Variants in NUTF2 observed in about 807,000 individuals in gnomAD.
NUTF2 encodes nuclear transport factor 2, also known as placental protein 15.
NUTF2 carries 3 observed loss-of-function variants against 18.5 expected under a neutral mutation model. The observed-to-expected ratio is 0.16, with a 90% CI of 0.07 to 0.42. NUTF2 has a LOEUF of 0.42. NUTF2 is among the 10% of genes least tolerant of loss of function. The pLI, the probability that NUTF2 is intolerant of heterozygous loss-of-function variation, is 0.99. For missense variants in NUTF2, 44 were observed against 160.7 expected (o/e 0.27, Z 3.93); for synonymous variants, 51 against 57.9 (o/e 0.88, Z 0.54).
chr16:67,859,981 T>A (rs1326807111), intron 1 of NUTF2, among the ~76,000 whole-genome samples: 8 of 150,764 alleles, frequency 5.3e-5, no homozygotes, highest in Non-Finnish European at 1.2e-4. Flanking sequence ...TTATTATTTT[T>A]TTTTTTCTTT....
chr16:67,865,414 T>C (rs1194370214), intron 2 of NUTF2, among the ~76,000 whole-genome samples, 185 bp downstream of exon 2: 1 of 152,214 alleles, frequency 6.6e-6, no homozygotes, highest in African/African-American at 2.4e-5. Flanking sequence ...ATACTTTTCC[T>C]TTTGTCAACT....
chr16:67,867,375 T>C (rs1331527264), intron 2 of NUTF2, among the ~76,000 whole-genome samples: 1 of 152,242 alleles, frequency 6.6e-6, no homozygotes, highest in Admixed American at 6.5e-5. Context: ...ATTACCCCTT[T>C]GAAGGTTAGG....
In NUTF2 at chr16:67,872,346, C is replaced by T. The variant is rs910839128; in HGVS notation, c.*1433C>T. ...GACCTCCTCAGATCCCACAGATTGC[C>T]TGGTGACATTGGGCACAGGGCTGGA... is the stretch of plus-strand genomic sequence containing the variant. On this transcript the variant is annotated 3_prime_UTR_variant, in exon 5 of 5. Transcript: ENST00000219169. 2 of 152,260 alleles carry T rather than the reference C, an allele frequency of 1.3e-5. No individual in the cohort carries two copies. The highest frequency in any genetic ancestry group is 6.5e-5 in the Admixed American group (1 of 15,282). 9.4% of individuals were successfully genotyped at this position (152,260 alleles called of 1,614,324 possible).
At chr16:67,866,348 C>T (rs917274052) in intron 2 of NUTF2, among the ~76,000 whole-genome samples, 1 of 141,986 alleles carries the variant, frequency 7.0e-6, no homozygotes, top group Non-Finnish European at 1.5e-5. Flanking sequence ...ACTCTGTCAA[C>T]AAAGCTGGTG....
intron 1 of NUTF2, among the ~76,000 whole-genome samples, chr16:67,853,135 A>G (rs1385970746): frequency 6.6e-6 from 1 of 152,050 alleles, no homozygotes; most frequent in Non-Finnish European, 1.5e-5. Context: ...CCAGCCAGGT[A>G]TGGTGGTGGG....
At chr16:67,864,282 G>A (rs921799437) in intron 1 of NUTF2, among the ~76,000 whole-genome samples, 1 of 152,170 alleles carries the variant, frequency 6.6e-6, no homozygotes. Context: ...AGGCCAAGGC[G>A]GGTGGATCAC....
intron 1 of NUTF2, among the ~76,000 whole-genome samples, chr16:67,853,381 G>A (rs751229973): frequency 5.3e-5 from 8 of 152,036 alleles, no homozygotes; most frequent in African/African-American, 1.7e-4. Context: ...TTTCTGAGAC[G>A]GAGTCTCACT....
intron 1 of NUTF2, among the ~76,000 whole-genome samples, chr16:67,850,568 T>C (rs1251036317): frequency 6.6e-6 from 1 of 152,142 alleles, no homozygotes; most frequent in East Asian, 1.9e-4. Context: ...ATCCTGAGAA[T>C]TCGTTAAATG....
At chr16:67,848,507 C>T (rs1052727688) in intron 1 of NUTF2, among the ~76,000 whole-genome samples, 4 of 152,140 alleles carry the variant, frequency 2.6e-5, no homozygotes, top group Admixed American at 2.0e-4. Flanking sequence ...TGCTTGAACC[C>T]GGGAGGTGGA....
intron 1 of NUTF2, among the ~76,000 whole-genome samples, chr16:67,857,595 G>A (rs2057906380): frequency 6.6e-6 from 1 of 152,180 alleles, no homozygotes; most frequent in Non-Finnish European, 1.5e-5. Flanking sequence ...ACTCCTTACA[G>A]CTGGGTCCTG....
At chr16:67,864,509 CAAAAAAAAAAA>C (rs572931294) in intron 1 of NUTF2, among the ~76,000 whole-genome samples, 7 of 53,078 alleles carry the variant, frequency 1.3e-4, no homozygotes, top group Non-Finnish European at 1.8e-4. Flanking sequence ...AACTCTGTCT[CAAAAAAAAAAA>C]AAAAAAAAAA....
At chr16:67,849,821 G>A (rs954761203) in intron 1 of NUTF2, among the ~76,000 whole-genome samples, 1 of 152,032 alleles carries the variant, frequency 6.6e-6, no homozygotes, top group African/African-American at 2.4e-5. Flanking sequence ...ACCACGCCCA[G>A]CTAACTTTTT....
intron 1 of NUTF2, among the ~76,000 whole-genome samples, chr16:67,854,134 A>G (rs1014713822): frequency 2.6e-5 from 4 of 152,236 alleles, no homozygotes; most frequent in Admixed American, 2.0e-4. Flanking sequence ...TATTTTTAGT[A>G]AAGATGGGGT....
intron 1 of NUTF2, among the ~76,000 whole-genome samples, chr16:67,864,132 G>C (rs1466391134): frequency 6.6e-6 from 1 of 152,156 alleles, no homozygotes; most frequent in African/African-American, 2.4e-5. Context: ...AAATATCCTA[G>C]AAAGGGCCAG....
intron 1 of NUTF2, chr16:67,847,209 C>T (rs1291861497): frequency 6.6e-6 from 1 of 152,062 alleles, no homozygotes; most frequent in Non-Finnish European, 1.5e-5. Flanking sequence ...CAGCCGGGCG[C>T]CTATCTGGGC....
intron 1 of NUTF2, among the ~76,000 whole-genome samples, chr16:67,859,527 T>C (rs989492632): frequency 6.6e-6 from 1 of 152,030 alleles, no homozygotes; most frequent in African/African-American, 2.4e-5. Context: ...CAGCTAATTT[T>C]TTGTATTTTT....
intron 1 of NUTF2, among the ~76,000 whole-genome samples, chr16:67,849,528 G>A (rs1441533937): frequency 2.0e-5 from 3 of 151,618 alleles, no homozygotes; most frequent in African/African-American, 4.9e-5. Flanking sequence ...TTTTAGTAGA[G>A]AAGGGGTTTC....
intron 1 of NUTF2, chr16:67,855,895 G>C (rs1220337634): frequency 1.8e-5 from 8 of 453,590 alleles, no homozygotes; most frequent in Non-Finnish European, 3.2e-5. Context: ...GGCGGGGGGG[G>C]GGGATGGGGG....
chr16:67,869,688 G>A (rs2057998603), intron 4 of NUTF2, among the ~76,000 whole-genome samples: 1 of 152,080 alleles, frequency 6.6e-6, no homozygotes, highest in Admixed American at 6.5e-5. Context: ...GGGAGGCTGC[G>A]GCAGGAGAAT....
Sources: gnomAD v4.1 joint callset for allele counts (sites outside exome capture counted in the v4.1 genomes callset) on GRCh38, gnomAD v4.1.1 for gene constraint, MANE v1.5 for transcripts, NCBI Gene and HGNC (gene_info 2026-07-23, HGNC 2026-07-21) for gene names.